Variants in LINGO2 observed in about 807,000 individuals in gnomAD.
LINGO2 encodes leucine-rich repeat and immunoglobulin-like domain-containing nogo receptor-interacting protein 2.
LINGO2 carries 14 observed loss-of-function variants against 30.6 expected under a neutral mutation model. The ratio of observed to expected loss-of-function variants is 0.46; its 90% CI spans 0.30 to 0.72. LINGO2 has a LOEUF of 0.72. Among genes scored for constraint, LINGO2 ranks in the 30% least tolerant of loss-of-function variants. The pLI, the probability that LINGO2 is intolerant of heterozygous loss-of-function variation, is 0.07. For missense variants in LINGO2, 729 were observed against 751.7 expected (o/e 0.97, Z 0.35); for synonymous variants, 317 against 288.5 (o/e 1.10, Z -1.00).
chr9:29,013,790 T>G, the LINGO2 span, among the ~76,000 whole-genome samples: 14 of 152,178 alleles, frequency 9.2e-5, no homozygotes, highest in Admixed American at 9.2e-4. Flanking sequence ...ACATCTTATA[T>G]GGATGCCCAT....
At chr9:28,630,759 T>A (rs1826899555) in intron 1 of LINGO2, among the ~76,000 whole-genome samples, 1 of 152,070 alleles carries the variant, frequency 6.6e-6, no homozygotes, top group Non-Finnish European at 1.5e-5. Context: ...CCTTACATAA[T>A]ATTTATATCT....
At chr9:28,553,977 C>T (rs578067349) in intron 1 of LINGO2, among the ~76,000 whole-genome samples, 3 of 152,002 alleles carry the variant, frequency 2.0e-5, no homozygotes, top group African/African-American at 4.8e-5. Flanking sequence ...CAGGCCTGCC[C>T]TAAAAGAGCT....
chr9:28,969,781 C>A, the LINGO2 span, among the ~76,000 whole-genome samples: 1 of 152,124 alleles, frequency 6.6e-6, no homozygotes, highest in Admixed American at 6.5e-5. Flanking sequence ...TAGGATTTTG[C>A]CATGGAGCAC....
At chr9:29,089,084 A>G in the LINGO2 span, among the ~76,000 whole-genome samples, 1 of 152,048 alleles carries the variant, frequency 6.6e-6, no homozygotes, top group African/African-American at 2.4e-5. Flanking sequence ...TTCATTTTTA[A>G]AATATGATAA....
intron 4 of LINGO2, among the ~76,000 whole-genome samples, chr9:28,207,778 G>T (rs1213382777): frequency 1.3e-5 from 2 of 152,168 alleles, no homozygotes; most frequent in Admixed American, 1.3e-4. Context: ...ATAAACATTT[G>T]GTGCCATGCC....
At chr9:27,990,593 G>T (rs1821351421) in intron 5 of LINGO2, among the ~76,000 whole-genome samples, 1 of 151,406 alleles carries the variant, frequency 6.6e-6, no homozygotes, top group African/African-American at 2.4e-5. Context: ...GAAAAACTAT[G>T]TATTATATCA....
Position 28,147,287 on chromosome 9 carries a change from AG to A in LINGO2, c.-86-134883del, listed in dbSNP as rs1170873801. The stretch of plus-strand genomic sequence containing the variant: ...GTGGAATCGCACAGCCTGGGTTCAA[AG>A]CCTGGCTGGGCCATGACCACCTGAA... On this transcript the variant is annotated intron_variant, in intron 4 of 5. Transcript: ENST00000379992. This position sits in a 1 kb window ranked among gnomAD's most constrained non-coding sequence, Gnocchi z 4.7. 6.6e-6 allele frequency among the ~76,000 whole-genome samples: 1 copy of A among 152,244 alleles called. No individual in the cohort carries two copies. The highest frequency in any genetic ancestry group is 2.4e-5 in the African/African-American group (1 of 41,468).
intron 4 of LINGO2, among the ~76,000 whole-genome samples, chr9:28,238,295 T>A (rs980334867): frequency 6.6e-6 from 1 of 152,092 alleles, no homozygotes; most frequent in African/African-American, 2.4e-5. Flanking sequence ...ATAGACCAAA[T>A]GAACCTAATA....
At chr9:28,697,572 A>T in the LINGO2 span, among the ~76,000 whole-genome samples, 1 of 152,100 alleles carries the variant, frequency 6.6e-6, no homozygotes, top group South Asian at 2.1e-4. Flanking sequence ...GGGTCTTTGT[A>T]AAAAACAAAG....
At chr9:28,717,837 T>C in the LINGO2 span, among the ~76,000 whole-genome samples, 1 of 152,008 alleles carries the variant, frequency 6.6e-6, no homozygotes, top group Non-Finnish European at 1.5e-5. Context: ...CACACAAACC[T>C]ACACCTCAGT....
At chr9:28,897,582 T>A in the LINGO2 span, among the ~76,000 whole-genome samples, 1 of 152,160 alleles carries the variant, frequency 6.6e-6, no homozygotes, top group Admixed American at 6.6e-5. Context: ...AATATGTGTA[T>A]TCTTGATCCA....
At chr9:29,123,400 A>C in the LINGO2 span, among the ~76,000 whole-genome samples, 1 of 152,114 alleles carries the variant, frequency 6.6e-6, no homozygotes. Context: ...GTGAAATATC[A>C]AAATTAGAGA....
the LINGO2 span, among the ~76,000 whole-genome samples, chr9:28,779,538 T>C: frequency 2.0e-5 from 3 of 152,172 alleles, no homozygotes; most frequent in African/African-American, 7.2e-5. Flanking sequence ...GGCTCACTGA[T>C]TATTTAACTT....
At chr9:28,124,612 G>C (rs1418823316) in intron 4 of LINGO2, among the ~76,000 whole-genome samples, 3 of 152,140 alleles carry the variant, frequency 2.0e-5, no homozygotes, top group African/African-American at 7.2e-5. Context: ...TGAGTAAACA[G>C]AGATCAACTT....
intron 4 of LINGO2, among the ~76,000 whole-genome samples, chr9:28,243,767 A>T (rs7864596): frequency 0.33 from 50,893 of 151,940 alleles, 8,532 homozygotes; most frequent in Middle Eastern, 0.38. Flanking sequence ...ATTCAACAAG[A>T]GGAGCTGACT....
chr9:28,459,066 T>C (rs1296485374), intron 2 of LINGO2, among the ~76,000 whole-genome samples: 3 of 151,992 alleles, frequency 2.0e-5, no homozygotes, highest in African/African-American at 7.3e-5. Context: ...TGAATGTATG[T>C]ATATACTCTA....
At chr9:29,010,036 G>A in the LINGO2 span, among the ~76,000 whole-genome samples, 5 of 152,024 alleles carry the variant, frequency 3.3e-5, no homozygotes, top group Admixed American at 2.6e-4. Context: ...AATTCAAGAT[G>A]GATTAAATAC....
chr9:28,914,856 G>T, the LINGO2 span, among the ~76,000 whole-genome samples: 1 of 152,146 alleles, frequency 6.6e-6, no homozygotes, highest in Non-Finnish European at 1.5e-5. Context: ...ACAAACGCTG[G>T]GTGCGGTGGC....
the LINGO2 span, among the ~76,000 whole-genome samples, chr9:28,843,622 A>C: frequency 7.2e-5 from 11 of 151,780 alleles, no homozygotes; most frequent in African/African-American, 2.7e-4. Context: ...AAGGGGAGGG[A>C]TGGAGGGAGT....
Sources: allele counts gnomAD v4.1 joint callset (sites outside exome capture counted in the v4.1 genomes callset), GRCh38; gene constraint gnomAD v4.1.1; non-coding constraint Gnocchi (gnomAD v3.1); transcripts MANE v1.5; gene names NCBI Gene and HGNC (gene_info 2026-07-23, HGNC 2026-07-21).